Variants in CALD1 observed in about 807,000 individuals in gnomAD.
The protein encoded by CALD1 is caldesmon 1.
Under a neutral mutation model 99.9 loss-of-function variants are expected in CALD1, and 33 were observed. The ratio of observed to expected loss-of-function variants is 0.33; its 90% confidence interval spans 0.25 to 0.44. CALD1 has a LOEUF of 0.44. CALD1 is among the 20% of genes least tolerant of loss of function. The pLI is 1.00. For missense variants in CALD1, 861 were observed against 962.1 expected, an observed-to-expected ratio of 0.89 and a Z score of 1.39; for synonymous variants, 310 against 325.0, an observed-to-expected ratio of 0.95 and a Z score of 0.50.
At chr7:134,965,201 A>C in intron 13 of CALD1, 105 bp from the exon 14 acceptor site, 1 of 720,448 alleles carries the variant, frequency 1.4e-6, no homozygotes, top group Non-Finnish European at 2.6e-6. Context: ...AGTGTATTAA[A>C]CAACAAACTG....
At chr7:134,847,823 G>T (rs1438445702) in intron 2 of CALD1, among the ~76,000 whole-genome samples, 1 of 152,230 alleles carries the variant, frequency 6.6e-6, no homozygotes, top group East Asian at 1.9e-4. Flanking sequence ...AGGAGCTCTT[G>T]TCTAGAACTC....
Position 134,933,770 on chromosome 7 carries a change from A to C in CALD1, c.1001A>C (p.Glu334Ala), listed in dbSNP as rs1416435887. 6.4e-7 allele frequency: 1 copy of C among 1,552,516 alleles called. No individual in the cohort carries two copies. Among genetic ancestry groups the C allele is most frequent in the South Asian group, 1.2e-5 (1 of 84,160 alleles). Residue 334 changes from glutamate (E) to alanine (A), a missense_variant, in exon 5 of 15, where the codon GAA (glutamate) becomes GCA (alanine). By Grantham distance (107) the Glu-to-Ala change is moderately radical (BLOSUM62 -1). Around this residue, in one of 5 missense-constraint regions of CALD1, gnomAD observed 21 missense variants for 47.5 expected, o/e 0.44. Transcript: ENST00000361675. Reference sequence around the variant, plus strand: ...GAGGAGAGGCAGAGGATAAAGGAGGAAGAGAAAAGGGCAGCAGAGGAGAGG... The same window carrying C: ...GAGGAGAGGCAGAGGATAAAGGAGGCAGAGAAAAGGGCAGCAGAGGAGAGG... ...AAEERQRIKE[E>A]EKRAAEERQR...
chr7:134,768,932 G>A lies in CALD1; in HGVS notation c.-130+24569G>A, dbSNP rs577236484. Among the ~76,000 whole-genome samples, 3 of 151,968 alleles carry A rather than the reference G, an allele frequency of 2.0e-5. No homozygotes were observed. In the South Asian group the frequency reaches 6.2e-4, roughly 32 times the overall value. On this transcript the variant is annotated intron_variant, in intron 1 of 13. Transcript: ENST00000417172. ...GCATTCTTAAATGATTCATACAAAT[G>A]GAATAATTCCAATTGCAACCTGCTT... is the stretch of plus-strand genomic sequence containing the variant.
intron 3 of CALD1, chr7:134,920,576 G>T (rs370870969): frequency 1.6e-6 from 2 of 1,287,618 alleles, no homozygotes; most frequent in African/African-American, 3.0e-5. Context: ...TAGTGTTCTG[G>T]ATTGAGTATC....
At chr7:134,921,523 C>T (rs1213820355) in intron 3 of CALD1, among the ~76,000 whole-genome samples, 2 of 152,152 alleles carry the variant, frequency 1.3e-5, no homozygotes, top group Non-Finnish European at 2.9e-5. Flanking sequence ...ATTAAAACAA[C>T]TGCTGTGGTC....
At chr7:134,869,339 C>G (rs1022869014) in intron 3 of CALD1, among the ~76,000 whole-genome samples, 4 of 152,028 alleles carry the variant, frequency 2.6e-5, no homozygotes, top group African/African-American at 4.8e-5. Flanking sequence ...ATTTGCCATA[C>G]AAGGAATAGA....
chr7:134,917,870 C>T (rs1028289472), intron 3 of CALD1, among the ~76,000 whole-genome samples: 1 of 152,120 alleles, frequency 6.6e-6, no homozygotes, highest in Non-Finnish European at 1.5e-5. Flanking sequence ...TTCATAACTC[C>T]TTTTCATTCA....
chr7:134,864,351 A>C (rs967325444), intron 2 of CALD1, among the ~76,000 whole-genome samples: 52 of 151,350 alleles, frequency 3.4e-4, no homozygotes, highest in African/African-American at 1.2e-3. Flanking sequence ...CCATCTCAAA[A>C]AAAAAAAAAA....
At chr7:134,963,685 A>G (rs949466662) in intron 13 of CALD1, among the ~76,000 whole-genome samples, 6 of 152,356 alleles carry the variant, frequency 3.9e-5, no homozygotes, top group African/African-American at 1.2e-4. Context: ...GTAGTAAATA[A>G]AGACTCTAAG....
chr7:134,717,622 G>A, the CALD1 span, among the ~76,000 whole-genome samples: 3 of 152,314 alleles, frequency 2.0e-5, no homozygotes, highest in African/African-American at 4.8e-5. Context: ...GCATTCGCCC[G>A]CCTCCCTGTG....
At chr7:134,949,881 A>G (rs1764820957) in intron 8 of CALD1, among the ~76,000 whole-genome samples, 1 of 151,208 alleles carries the variant, frequency 6.6e-6, no homozygotes, top group Non-Finnish European at 1.5e-5. Flanking sequence ...CATAAAATAC[A>G]CTAACACTAA....
intron 1 of CALD1, among the ~76,000 whole-genome samples, chr7:134,773,437 C>A (rs1441447400): frequency 6.6e-6 from 1 of 152,002 alleles, no homozygotes; most frequent in African/African-American, 2.4e-5. Context: ...CCATGCTCAG[C>A]TAATTTTTGT....
chr7:134,711,680 ATGTGTGTGTGTGTGTGTGTGTGTG>A, the CALD1 span, among the ~76,000 whole-genome samples: 39 of 109,588 alleles, frequency 3.6e-4, no homozygotes, highest in Admixed American at 7.0e-4. Flanking sequence ...ATATATATAT[ATGTGTGTGTGTGTGTGTGTGTGTG>A]TGTGTGTGTG....
chr7:134,933,354 G>A lies in CALD1; in HGVS notation c.585G>A (p.Glu195=), dbSNP rs1480238107. The A allele has an allele frequency of 6.2e-7, 1 of 1,605,664 alleles. No homozygotes were observed. The highest frequency in any genetic ancestry group is 1.7e-5 in the Admixed American group (1 of 59,422). Residue 195 remains glutamate (E), a synonymous_variant, in exon 5 of 15, where the codon GAG becomes GAA. Transcript: ENST00000361675. The part of the protein sequence containing the change: ...KEDKEKEEEE[E]EKPKRGSIGE... ...ACAAGGAAAAGGAGGAGGAGGAAGAGGAGAAGCCAAAGCGAGGGAGCATTG... is the reference window on the plus strand; with the variant it reads ...ACAAGGAAAAGGAGGAGGAGGAAGAAGAGAAGCCAAAGCGAGGGAGCATTG...
Position 134,934,013 on chromosome 7 carries a change from G to A in CALD1, c.1244G>A (p.Gly415Glu). The A allele has an allele frequency of 6.2e-7, 1 of 1,613,760 alleles. No individual in the cohort carries two copies. Among genetic ancestry groups the A allele is most frequent in the Non-Finnish European group, 8.5e-7 (1 of 1,179,930 alleles). The change falls in exon 5 of 15, where the codon GGG becomes GAG. Residue 415 changes from glycine (G) to glutamate (E), a missense_variant. Transcript: ENST00000361675. ...KGEKVEQKIE[G>E]KWVNEKKAQE... ...GAAAAGGTAGAACAGAAAATAGAAG[G>A]GAAATGGGTAAATGAAAAGAAAGCA... is the stretch of plus-strand genomic sequence containing the variant.
intron 1 of CALD1, among the ~76,000 whole-genome samples, chr7:134,800,893 G>T (rs6955888): frequency 6.6e-6 from 1 of 151,616 alleles, no homozygotes; most frequent in African/African-American, 2.4e-5. Flanking sequence ...AAAGTATAAT[G>T]AATACACTAT....
chr7:134,920,215 A>G (rs948037397), intron 3 of CALD1, among the ~76,000 whole-genome samples: 4 of 152,246 alleles, frequency 2.6e-5, no homozygotes, highest in African/African-American at 7.2e-5. Context: ...AGCAATTTAT[A>G]GAGCTATTTG....
intron 3 of CALD1, among the ~76,000 whole-genome samples, chr7:134,871,553 G>T (rs1801076817): frequency 6.6e-6 from 1 of 152,114 alleles, no homozygotes; most frequent in Non-Finnish European, 1.5e-5. Flanking sequence ...AAAAGATCAA[G>T]AAATTATACT....
intron 9 of CALD1, among the ~76,000 whole-genome samples, chr7:134,957,248 T>C (rs762823824): frequency 2.6e-5 from 4 of 152,138 alleles, no homozygotes; most frequent in Non-Finnish European, 4.4e-5. Flanking sequence ...GGTTAAGCAA[T>C]AAGGGACTAG....
Sources: allele counts gnomAD v4.1 joint callset (sites outside exome capture counted in the v4.1 genomes callset), GRCh38; gene constraint gnomAD v4.1.1; regional missense constraint gnomAD v4.1.1; transcripts MANE v1.5; gene names NCBI Gene and HGNC (gene_info 2026-07-23, HGNC 2026-07-21).